DCC: variants seen among roughly 807,000 people sequenced by gnomAD.
The protein encoded by DCC is netrin receptor DCC.
In DCC, 58 loss-of-function variants were observed where a neutral mutation model predicts 172.5. The observed-to-expected ratio is 0.34, with a 90% confidence interval of 0.27 to 0.42. The LOEUF (loss-of-function observed/expected upper bound fraction) is 0.42. DCC is among the 10% of genes least tolerant of loss of function. The pLI, the probability that DCC is intolerant of heterozygous loss-of-function variation, is 1.00. For missense variants in DCC, 1,740 were observed against 1,791.0 expected, an observed-to-expected ratio of 0.97 and a Z score of 0.51; for synonymous variants, 709 against 644.5, an observed-to-expected ratio of 1.10 and a Z score of -1.52.
At chr18:52,478,458 T>A (rs547813089) in intron 1 of DCC, among the ~76,000 whole-genome samples, 1 of 152,330 alleles carries the variant, frequency 6.6e-6, no homozygotes, top group East Asian at 1.9e-4. Flanking sequence ...AGAGGAATGT[T>A]CAGTGTTTAC....
intron 1 of DCC, among the ~76,000 whole-genome samples, chr18:52,480,015 A>T (rs1029275280): frequency 5.9e-5 from 9 of 152,126 alleles, no homozygotes; most frequent in Admixed American, 3.9e-4. Flanking sequence ...CCCTCTATAT[A>T]GTTCTCTTGA....
intron 1 of DCC, among the ~76,000 whole-genome samples, chr18:52,367,939 C>T (rs1206920629): frequency 6.6e-6 from 1 of 152,164 alleles, no homozygotes; most frequent in African/African-American, 2.4e-5. Context: ...GTACCTGCTT[C>T]CTTTTTGTTT....
At chr18:52,502,780 C>A (rs1179631208) in intron 1 of DCC, among the ~76,000 whole-genome samples, 1 of 152,260 alleles carries the variant, frequency 6.6e-6, no homozygotes. Context: ...TTCTAAAAGC[C>A]CCGAGGCGGG....
intron 1 of DCC, among the ~76,000 whole-genome samples, chr18:52,438,747 A>G (rs1323435755): frequency 4.6e-5 from 7 of 152,202 alleles, no homozygotes; most frequent in Non-Finnish European, 5.9e-5. Context: ...AAGTGGCATC[A>G]CTATTTCATT....
At chr18:52,883,944 T>C (rs2039532484) in intron 2 of DCC, among the ~76,000 whole-genome samples, 1 of 151,660 alleles carries the variant, frequency 6.6e-6, no homozygotes, top group Non-Finnish European at 1.5e-5. Context: ...TATTTCTCCT[T>C]CTTGCTTGAA....
rs1317030316 is a variant in DCC, at chr18:52,943,573, T to A, written c.985+18203T>A. 2.0e-5 allele frequency among the ~76,000 whole-genome samples: 3 copies of A among 152,296 alleles called. 1 individual carries two copies. The South Asian group carries it at 6.2e-4, about 32-fold the overall frequency. ...TTGATGCATGAAAGCACTTTCTGCATCATTTACACAAGGACCATATGTATT... is the reference window on the plus strand; with the variant it reads ...TTGATGCATGAAAGCACTTTCTGCAACATTTACACAAGGACCATATGTATT... On this transcript the variant is annotated intron_variant, in intron 5 of 28. Transcript: ENST00000442544.
intron 27 of DCC, among the ~76,000 whole-genome samples, chr18:53,504,484 A>G (rs2046144786): frequency 6.6e-6 from 1 of 152,226 alleles, no homozygotes; most frequent in Non-Finnish European, 1.5e-5. Flanking sequence ...CACTACATCT[A>G]AGTTTCATCT....
At chr18:52,562,072 G>A (rs539435157) in intron 1 of DCC, among the ~76,000 whole-genome samples, 205 of 152,230 alleles carry the variant, frequency 1.3e-3, no homozygotes, top group African/African-American at 4.7e-3. Flanking sequence ...CTGACATCTA[G>A]TTAGGGAAAT....
chr18:52,576,070 T>C (rs535200598), intron 1 of DCC, among the ~76,000 whole-genome samples: 1 of 152,336 alleles, frequency 6.6e-6, no homozygotes, highest in Non-Finnish European at 1.5e-5. Context: ...TCTTTTGTGG[T>C]TCTTTAAGAT....
intron 1 of DCC, among the ~76,000 whole-genome samples, chr18:52,506,962 A>G (rs538798615): frequency 6.6e-6 from 1 of 152,310 alleles, no homozygotes; most frequent in Non-Finnish European, 1.5e-5. Context: ...GATGGATTCT[A>G]TTGATTAAAG....
At chr18:52,564,986 G>A (rs1220862756) in intron 1 of DCC, among the ~76,000 whole-genome samples, 2 of 152,048 alleles carry the variant, frequency 1.3e-5, no homozygotes, top group Non-Finnish European at 2.9e-5. Flanking sequence ...GAAGCATGTT[G>A]AAATTAGAGG....
chr18:53,448,047 GTTT>G (rs35238619), intron 22 of DCC, among the ~76,000 whole-genome samples: 2 of 113,724 alleles, frequency 1.8e-5, no homozygotes, highest in East Asian at 2.7e-4. Context: ...ATTTTGATGA[GTTT>G]TTTTTTTTTT....
intron 7 of DCC, among the ~76,000 whole-genome samples, chr18:53,146,567 G>T: frequency 6.6e-6 from 1 of 152,196 alleles, no homozygotes; most frequent in East Asian, 1.9e-4. Context: ...TTGCATTGGA[G>T]ATTAAATTTC....
intron 7 of DCC, among the ~76,000 whole-genome samples, chr18:53,069,852 A>G (rs2042628806): frequency 6.6e-6 from 1 of 152,166 alleles, no homozygotes; most frequent in Non-Finnish European, 1.5e-5. Flanking sequence ...GAGAGATGGA[A>G]AGAAATTTTA....
chr18:53,382,308 G>A (rs762441471), intron 15 of DCC, among the ~76,000 whole-genome samples: 27 of 151,984 alleles, frequency 1.8e-4, no homozygotes, highest in Admixed American at 5.2e-4. Flanking sequence ...GAAATCAGAC[G>A]TAGTCCATCC....
intron 1 of DCC, among the ~76,000 whole-genome samples, chr18:52,394,199 G>A (rs772346650): frequency 2.0e-5 from 3 of 152,064 alleles, no homozygotes; most frequent in Admixed American, 6.6e-5. Flanking sequence ...TTCTATTGCT[G>A]TGTTGAATGA....
intron 5 of DCC, among the ~76,000 whole-genome samples, chr18:52,948,995 T>A (rs2040593594): frequency 6.6e-6 from 1 of 152,228 alleles, no homozygotes; most frequent in Non-Finnish European, 1.5e-5. Context: ...AGTCATGCCA[T>A]GCTTCCTCTG....
chr18:52,872,881 T>C (rs894352887), intron 2 of DCC, among the ~76,000 whole-genome samples: 3 of 152,230 alleles, frequency 2.0e-5, no homozygotes, highest in African/African-American at 7.2e-5. Context: ...ATTTTATTAT[T>C]TCTTTGCCCT....
At chr18:52,642,174 A>C (rs1290418728) in intron 1 of DCC, among the ~76,000 whole-genome samples, 1 of 151,756 alleles carries the variant, frequency 6.6e-6, no homozygotes, top group Non-Finnish European at 1.5e-5. Context: ...GTTTGCGGTG[A>C]CCTGGATGAG....
Sources: gnomAD v4.1 joint callset for allele counts (sites outside exome capture counted in the v4.1 genomes callset) on GRCh38, gnomAD v4.1.1 for gene constraint, MANE v1.5 for transcripts, NCBI Gene and HGNC (gene_info 2026-07-23, HGNC 2026-07-21) for gene names.